The following LRP8 variants were observed in gnomAD, a reference collection of about 807,000 sequenced individuals.
The protein encoded by LRP8 is LDL receptor related protein 8.
Under a neutral mutation model 111.6 loss-of-function variants are expected in LRP8, and 46 were observed. That is an observed-to-expected ratio of 0.41 (90% CI 0.33 to 0.53). The LOEUF is 0.53. LRP8 is among the 20% of genes least tolerant of loss of function. The pLI is 0.20. For synonymous variants in LRP8, 464 were observed against 511.2 expected, an observed-to-expected ratio of 0.91 and a Z score of 1.24; for missense variants, 959 against 1,297.4, an observed-to-expected ratio of 0.74 and a Z score of 4.01.
Position 53,266,735 on chromosome 1 carries a change from G to A in LRP8, c.1253-88C>T. The A allele has an allele frequency of 1.7e-6, 2 of 1,204,234 alleles. No homozygotes were observed. The allele number at this position is 1,204,234 out of a possible 1,614,324, so 74.6% of individuals were successfully genotyped here. A position where few individuals can be genotyped will look rare whatever the true frequency, so the allele number is the denominator to read the frequency against. On this transcript the variant is annotated intron_variant, in intron 8 of 18. Coordinates refer to ENST00000306052, the MANE Select transcript of LRP8 (RefSeq NM_004631.5). The surrounding 1 kb of genome is among the most constrained non-coding windows in gnomAD (Gnocchi z 5.0). The stretch of plus-strand genomic sequence containing the variant: ...AGACTCTGCCACTGGCTTGCTGGCT[G>A]ACACATCCATTTTCCTTAAAATAGT...
In LRP8 at chr1:53,265,703, T is replaced by G. The variant is rs74086827; in HGVS notation, c.1427+770A>C. Among the ~76,000 whole-genome samples, 424 of 152,336 alleles carry G rather than the reference T, an allele frequency of 2.8e-3. 1 individual carries two copies. Among genetic ancestry groups the G allele is most frequent in the African/African-American group, 9.9e-3 (410 of 41,584 alleles). On this transcript the variant is annotated intron_variant, in intron 9 of 18. Coordinates refer to ENST00000306052, the MANE Select transcript of LRP8 (RefSeq NM_004631.5). ...TGTCAGTGAGTAGCACTTGCTATAT[T>G]TGCTTCCATCCACTCTTCCACCCAT...
intron 2 of LRP8, among the ~76,000 whole-genome samples, chr1:53,311,636 C>T (rs1432716886): frequency 6.6e-6 from 1 of 152,128 alleles, no homozygotes; most frequent in African/African-American, 2.4e-5. Flanking sequence ...CCCCATCTCT[C>T]TCTCCCTACT....
chr1:53,260,436 C>G (rs910583310), intron 13 of LRP8, 28 bp downstream of exon 13: 16 of 1,611,414 alleles, frequency 9.9e-6, no homozygotes, highest in African/African-American at 5.3e-5. Context: ...GTCAGGGGAC[C>G]TGGGACCTAG....
In LRP8 at chr1:53,277,045, C is replaced by A. The variant is rs1252649197; in HGVS notation, c.530G>T (p.Arg177Leu). ...CAPHEFQCGNRSCLAAVFVCD... is the reference protein window; with the variant it reads ...CAPHEFQCGNLSCLAAVFVCD... ...CACGAACACGGCGGCCAGGCACGAG[C>A]GGTTGCCGCACTGGAACTCGTGCGG... Residue 177 changes from arginine (R) to leucine (L), a missense_variant, in exon 5 of 19, where the codon CGC becomes CTC. Coordinates refer to ENST00000306052, the MANE Select transcript of LRP8 (RefSeq NM_004631.5). 85 of 1,522,922 alleles carry A rather than the reference C, an allele frequency of 5.6e-5. No homozygotes were observed. Among genetic ancestry groups the A allele is most frequent in the Non-Finnish European group, 7.0e-5 (80 of 1,140,420 alleles). The allele number at this position is 1,522,922 out of a possible 1,614,324, so 94.3% of individuals were successfully genotyped here.
Position 53,269,526 on chromosome 1 carries a change from A to T in LRP8, c.1252+1502T>A, listed in dbSNP as rs776683259. 6.0e-4 allele frequency among the ~76,000 whole-genome samples: 91 copies of T among 151,962 alleles called. 1 individual carries two copies. The highest frequency in any genetic ancestry group is 3.4e-3 in the Middle Eastern group (1 of 294). ...TATAGGGTCTTACTACATTGCCCAGACTAGTCTTGAACTCCTGGCCTCAAG... is the reference window on the plus strand; with the variant it reads ...TATAGGGTCTTACTACATTGCCCAGTCTAGTCTTGAACTCCTGGCCTCAAG... On this transcript the variant is annotated intron_variant, in intron 8 of 18. Coordinates refer to ENST00000306052, the MANE Select transcript of LRP8 (RefSeq NM_004631.5).
chr1:53,308,084 C>CCTGCCT, intron 2 of LRP8, among the ~76,000 whole-genome samples: 1 of 152,228 alleles, frequency 6.6e-6, no homozygotes, highest in East Asian at 1.9e-4. Context: ...GGCGCTCAGT[C>CCTGCCT]CCTGCGGAGG....
At chr1:53,259,805 A>G (rs1646261418) in intron 13 of LRP8, among the ~76,000 whole-genome samples, 1 of 152,000 alleles carries the variant, frequency 6.6e-6, no homozygotes, top group Non-Finnish European at 1.5e-5. Flanking sequence ...CGCGGTTTTT[A>G]TTTTTCCCTG....
chr1:53,307,071 T>C (rs952946529), intron 2 of LRP8, among the ~76,000 whole-genome samples: 1 of 152,134 alleles, frequency 6.6e-6, no homozygotes, highest in Non-Finnish European at 1.5e-5. Flanking sequence ...CCTTGCCCCC[T>C]GAGCAATACT....
intron 2 of LRP8, among the ~76,000 whole-genome samples, chr1:53,296,291 A>T (rs1409608545): frequency 3.9e-5 from 6 of 152,328 alleles, no homozygotes; most frequent in African/African-American, 1.4e-4. Context: ...GTTGTTCAGC[A>T]AGCTGGGGCA....
Position 53,276,719 on chromosome 1 carries a change from TGCAGTCGCGGTC to T in LRP8, c.844_855del (p.Asp282_Cys285del). The T allele has an allele frequency of 6.5e-7, 1 of 1,533,450 alleles. No individual in the cohort carries two copies. The highest frequency in any genetic ancestry group is 8.7e-7 in the Non-Finnish European group (1 of 1,143,330). 95.0% of individuals were successfully genotyped at this position (1,533,450 alleles called of 1,614,324 possible). A position where few individuals can be genotyped will look rare whatever the true frequency, so the allele number is the denominator to read the frequency against. On this transcript the variant is annotated inframe_deletion, in exon 5 of 19. Coordinates refer to ENST00000306052, the MANE Select transcript of LRP8 (RefSeq NM_004631.5). ...CAGTCGGCCTCGTCCGATTTGTCTT[TGCAGTCGCGGTC>T]GCCGTCGCAGCGCCAGCCCAGGTGC...
At chr1:53,323,924 T>G (rs941978423) in intron 2 of LRP8, among the ~76,000 whole-genome samples, 5 of 152,248 alleles carry the variant, frequency 3.3e-5, no homozygotes, top group Non-Finnish European at 7.3e-5. Flanking sequence ...GAAGCCTTTC[T>G]TGGCTTCCTT....
chr1:53,264,051 A>T, intron 10 of LRP8, 118 bp downstream of exon 10: 1 of 958,872 alleles, frequency 1.0e-6, no homozygotes, highest in Non-Finnish European at 1.6e-6. Flanking sequence ...TTTCTTCCCC[A>T]TGGCCTGTGT....
chr1:53,256,541 G>A (rs1646094923), intron 15 of LRP8, among the ~76,000 whole-genome samples: 1 of 152,246 alleles, frequency 6.6e-6, no homozygotes, highest in African/African-American at 2.4e-5. Context: ...TTAGGAAGAT[G>A]TTGCCAAGCA....
rs187836393 is a variant in LRP8, at chr1:53,262,996, C to G, written c.1656-432G>C. On this transcript the variant is annotated intron_variant, in intron 10 of 18. Coordinates refer to ENST00000306052, the MANE Select transcript of LRP8 (RefSeq NM_004631.5). This position sits in a 1 kb window ranked among gnomAD's most constrained non-coding sequence, Gnocchi z 4.8. ...TAGGGCCAGTAGCAGCCCACTGTTA[C>G]TAATCCAAGGTAGTAAATTAGACCT... is the stretch of plus-strand genomic sequence containing the variant. Among the ~76,000 whole-genome samples the G allele has an allele frequency of 2.3e-3, 346 of 152,308 alleles. No individual in the cohort carries two copies. Among genetic ancestry groups the G allele is most frequent in the Non-Finnish European group, 3.3e-3 (226 of 68,030 alleles).
At position 53,246,860 on chromosome 1, in the gene LRP8, T is replaced by C; in HGVS notation, c.*158A>G. The C allele has an allele frequency of 1.6e-6, 1 of 619,518 alleles. No individual in the cohort carries two copies. Among genetic ancestry groups the C allele is most frequent in the Non-Finnish European group, 2.8e-6 (1 of 358,524 alleles). The allele number at this position is 619,518 out of a possible 1,614,324, so 38.4% of individuals were successfully genotyped here. A position where few individuals can be genotyped will look rare whatever the true frequency, so the allele number is the denominator to read the frequency against. The stretch of plus-strand genomic sequence containing the variant: ...ATGTTTGCAGTTCATCATAACTTTG[T>C]GGTTACCTTTCCGCAACATAAATTT... On this transcript the variant is annotated 3_prime_UTR_variant, in exon 19 of 19. Transcript: ENST00000306052.
rs2100328335 is a variant in LRP8, at chr1:53,246,531, A to G, written c.*487T>C. 1 of 151,814 alleles carries G rather than the reference A, an allele frequency of 6.6e-6. No homozygotes were observed. Among genetic ancestry groups the G allele is most frequent in the Admixed American group, 6.6e-5 (1 of 15,180 alleles). The allele number at this position is 151,814 out of a possible 1,614,324, so 9.4% of individuals were successfully genotyped here. On this transcript the variant is annotated 3_prime_UTR_variant, in exon 19 of 19. Transcript: ENST00000306052. ...TAAAATATGTTAATAAATAATCTAA[A>G]TGGGGGAGGGAGTTGAAGTGTTTTT...
At chr1:53,254,353 A>T (rs1483845633) in intron 16 of LRP8, among the ~76,000 whole-genome samples, 1 of 151,630 alleles carries the variant, frequency 6.6e-6, no homozygotes, top group Admixed American at 6.6e-5. Context: ...GGCTTTACTC[A>T]TGCTGTCTTC....
At chr1:53,259,463 C>T (rs901770154) in intron 13 of LRP8, among the ~76,000 whole-genome samples, 5 of 152,156 alleles carry the variant, frequency 3.3e-5, no homozygotes, top group Non-Finnish European at 7.3e-5. Flanking sequence ...GTGTTTTATC[C>T]CTACACTCTC....
At chr1:53,319,547 C>G (rs573539850) in intron 2 of LRP8, among the ~76,000 whole-genome samples, 1 of 152,204 alleles carries the variant, frequency 6.6e-6, no homozygotes, top group Non-Finnish European at 1.5e-5. Context: ...CAGCTAGGCC[C>G]GGCTCTCCCA....
Sources: gnomAD v4.1 joint callset for allele counts (sites outside exome capture counted in the v4.1 genomes callset) on GRCh38, gnomAD v4.1.1 for gene constraint, Gnocchi (gnomAD v3.1) non-coding constraint, MANE v1.5 for transcripts, NCBI Gene and HGNC (gene_info 2026-07-23, HGNC 2026-07-21) for gene names.